Variants in NELL1 observed in about 807,000 individuals in gnomAD.
The protein encoded by NELL1 is protein kinase C-binding protein NELL1.
A neutral mutation model predicts 107.4 loss-of-function variants in NELL1; 76 were observed. That is an observed-to-expected ratio of 0.71 (90% CI 0.59 to 0.86). NELL1 has a LOEUF of 0.86. Ranked by LOEUF, NELL1 falls within the 40% of genes least tolerant of loss-of-function variation. NELL1 has a pLI of 0.00. For synonymous variants in NELL1, 353 were observed against 341.2 expected (o/e 1.03, Z -0.38); for missense variants, 1,024 against 1,005.5 (o/e 1.02, Z -0.25).
intron 15 of NELL1, among the ~76,000 whole-genome samples, chr11:21,424,731 A>C (rs1425103763): frequency 6.6e-6 from 1 of 152,228 alleles, no homozygotes; most frequent in East Asian, 1.9e-4. Context: ...CAAAACTTGC[A>C]AAGACTAAAT....
At chr11:21,367,976 T>A (rs537970491) in intron 14 of NELL1, among the ~76,000 whole-genome samples, 1 of 152,118 alleles carries the variant, frequency 6.6e-6, no homozygotes, top group African/African-American at 2.4e-5. Flanking sequence ...GAGTTCATAG[T>A]CAATCAAGAA....
intron 13 of NELL1, among the ~76,000 whole-genome samples, chr11:21,126,876 A>G (rs1052199405): frequency 1.3e-5 from 2 of 152,234 alleles, no homozygotes; most frequent in African/African-American, 4.8e-5. Context: ...GTTTATAACT[A>G]CCAAGGAATA....
chr11:21,428,207 T>C (rs1852879032), intron 15 of NELL1, among the ~76,000 whole-genome samples: 1 of 152,160 alleles, frequency 6.6e-6, no homozygotes, highest in South Asian at 2.1e-4. Flanking sequence ...GAGCTATTAA[T>C]TATATTCTGA....
At chr11:21,562,326 C>A (rs1309046763) in intron 17 of NELL1, among the ~76,000 whole-genome samples, 1 of 151,988 alleles carries the variant, frequency 6.6e-6, no homozygotes, top group Non-Finnish European at 1.5e-5. Context: ...ATGAGCAATT[C>A]TTGTAATCTA....
At chr11:21,207,916 T>G (rs1182780854) in intron 13 of NELL1, among the ~76,000 whole-genome samples, 3 of 152,194 alleles carry the variant, frequency 2.0e-5, no homozygotes, top group African/African-American at 7.2e-5. Flanking sequence ...AATTTTGTTG[T>G]GTATAAGTTA....
chr11:21,203,430 CTTTT>C (rs35689054), intron 13 of NELL1, among the ~76,000 whole-genome samples: 24 of 101,256 alleles, frequency 2.4e-4, no homozygotes, highest in Non-Finnish European at 3.1e-4. Flanking sequence ...GCAACCCTTG[CTTTT>C]TTTTTTTTTT....
rs147065785 is a variant in NELL1 at position 21,191,035 on chromosome 11, G to A, written c.1427-38297G>A. On this transcript the variant is annotated intron_variant, in intron 13 of 19. Coordinates refer to ENST00000357134, the MANE Select transcript of NELL1 (RefSeq NM_006157.5). ...TGGGTGGGCTTTGGAATCAGACAAG[G>A]CCATGTTCAAGTCTTAGCTGTGCTG... 1.4e-3 allele frequency among the ~76,000 whole-genome samples: 215 copies of A among 151,930 alleles called. 1 individual carries two copies. In the South Asian group the frequency reaches 0.022, roughly 16 times the overall value.
intron 15 of NELL1, among the ~76,000 whole-genome samples, chr11:21,429,934 T>C (rs1852925696): frequency 6.6e-6 from 1 of 152,146 alleles, no homozygotes; most frequent in South Asian, 2.1e-4. Context: ...TGTAAAATGG[T>C]ATAAGAATAG....
At chr11:21,169,937 G>A (rs1451158534) in intron 13 of NELL1, 32 of 1,460,478 alleles carry the variant, frequency 2.2e-5, no homozygotes, top group Middle Eastern at 2.2e-4. Flanking sequence ...GAGGAAGTGC[G>A]GCTGGACCAA....
At chr11:20,971,188 AT>A (rs2134229659) in intron 12 of NELL1, among the ~76,000 whole-genome samples, 1 of 152,146 alleles carries the variant, frequency 6.6e-6, no homozygotes, top group African/African-American at 2.4e-5. Flanking sequence ...GCCTTACATT[AT>A]TTTTTAGTGA....
intron 15 of NELL1, among the ~76,000 whole-genome samples, chr11:21,469,692 A>C (rs1854124659): frequency 6.6e-6 from 1 of 152,074 alleles, no homozygotes; most frequent in Non-Finnish European, 1.5e-5. Flanking sequence ...GTGATTTCAA[A>C]TTGCTCAAAG....
intron 15 of NELL1, among the ~76,000 whole-genome samples, chr11:21,494,431 C>A (rs1399235219): frequency 6.6e-6 from 1 of 151,832 alleles, no homozygotes; most frequent in Non-Finnish European, 1.5e-5. Context: ...TCCTTGGAGG[C>A]AAAATTTTTC....
chr11:20,707,288 T>G (rs1854990229), intron 2 of NELL1, among the ~76,000 whole-genome samples: 2 of 152,220 alleles, frequency 1.3e-5, no homozygotes, highest in Non-Finnish European at 2.9e-5. Flanking sequence ...GTTTTTAGCC[T>G]CTTTGTGATG....
At position 21,530,440 on chromosome 11, in the gene NELL1, A is replaced by T. The variant is rs182860696; in HGVS notation, c.1646-3934A>T. Among the ~76,000 whole-genome samples the T allele has an allele frequency of 5.3e-5, 8 of 152,274 alleles. No individual in the cohort carries two copies. The East Asian group carries it at 1.2e-3, about 22-fold the overall frequency. On this transcript the variant is annotated intron_variant, in intron 15 of 19. Coordinates refer to ENST00000357134, the MANE Select transcript of NELL1 (RefSeq NM_006157.5). The stretch of plus-strand genomic sequence containing the variant: ...AATTGCTTTCTCTAGGAAATTCACC[A>T]TATGCCCCAAAAGGATTAAAGGTAT...
intron 16 of NELL1, 145 bp downstream of exon 16, chr11:21,534,659 A>G (rs1052413755): frequency 1.5e-5 from 13 of 845,458 alleles, no homozygotes; most frequent in Non-Finnish European, 1.5e-5. Context: ...TCCCTCTACA[A>G]TTCAGGGATT....
intron 3 of NELL1, among the ~76,000 whole-genome samples, chr11:20,821,430 G>A (rs1857750634): frequency 6.6e-6 from 1 of 152,112 alleles, no homozygotes; most frequent in African/African-American, 2.4e-5. Flanking sequence ...AGGTGTGGAT[G>A]TATTCATTCT....
intron 3 of NELL1, among the ~76,000 whole-genome samples, chr11:20,809,977 C>T (rs1857464794): frequency 6.6e-6 from 1 of 152,158 alleles, no homozygotes; most frequent in African/African-American, 2.4e-5. Flanking sequence ...TGCATTCCCA[C>T]CAGTAGTGTG....
intron 9 of NELL1, among the ~76,000 whole-genome samples, chr11:20,932,004 A>T (rs1850628757): frequency 6.6e-6 from 1 of 152,114 alleles, no homozygotes; most frequent in Admixed American, 6.6e-5. Context: ...TGGCCTTGGG[A>T]ACTGCAGCAC....
intron 15 of NELL1, among the ~76,000 whole-genome samples, chr11:21,445,791 T>C (rs1853410615): frequency 6.6e-6 from 1 of 152,258 alleles, no homozygotes; most frequent in African/African-American, 2.4e-5. Flanking sequence ...TTTTCCTTCA[T>C]GTTTAAAGGA....
Sources: allele counts gnomAD v4.1 joint callset (sites outside exome capture counted in the v4.1 genomes callset), GRCh38; gene constraint gnomAD v4.1.1; transcripts MANE v1.5; gene names NCBI Gene and HGNC (gene_info 2026-07-23, HGNC 2026-07-21).